Variants in NPHP3 observed in about 807,000 individuals in gnomAD.
The protein encoded by NPHP3 is nephrocystin-3.
In NPHP3, 123 loss-of-function variants were observed where a neutral mutation model predicts 171.9. That is an observed-to-expected ratio of 0.72 (90% confidence interval 0.62 to 0.83). The LOEUF (loss-of-function observed/expected upper bound fraction) is 0.83, where lower values mean the gene tolerates loss of function less well. Among genes scored for constraint, NPHP3 ranks in the 40% least tolerant of loss-of-function variants. The pLI, the probability that NPHP3 is intolerant of heterozygous loss-of-function variation, is 0.00. For synonymous variants in NPHP3, 558 were observed against 579.2 expected, an observed-to-expected ratio of 0.96 and a Z score of 0.52; for missense variants, 1,506 against 1,591.9, an observed-to-expected ratio of 0.95 and a Z score of 0.92.
At chr3:132,707,536 G>C (rs998829917) in intron 7 of NPHP3, among the ~76,000 whole-genome samples, 2 of 152,082 alleles carry the variant, frequency 1.3e-5, no homozygotes, top group African/African-American at 4.8e-5. Flanking sequence ...CTGTGCTTGG[G>C]AGAAAAGCAC....
chr3:132,684,434 A>G, intron 24 of NPHP3, 120 bp downstream of exon 24: 1 of 943,092 alleles, frequency 1.1e-6, no homozygotes, highest in Non-Finnish European at 1.7e-6. Context: ...AAGTTAAATC[A>G]TGATTTTTAA....
rs1194475374 is a variant in NPHP3, at chr3:132,719,103, C to T, written c.561G>A (p.Leu187=). The T allele has an allele frequency of 6.2e-7, 1 of 1,613,606 alleles. No homozygotes were observed. The highest frequency in any genetic ancestry group is 1.7e-5 in the Admixed American group (1 of 59,958). The change falls in exon 3 of 27, where the codon CTG becomes CTA. Residue 187 remains leucine (L), a synonymous_variant. Coordinates refer to ENST00000337331, the MANE Select transcript of NPHP3 (RefSeq NM_153240.5). ...TGCTCTCCAACTCCCTCTTGGCCCT[C>T]AGTAAGTCCTGAATTTCATTTTCTT... The part of the protein sequence containing the change: ...ETKENEIQDL[L]RAKRELESKL...
At position 132,686,360 on chromosome 3, in the gene NPHP3, C is replaced by T. The variant is rs753978185; in HGVS notation, c.3229G>A (p.Ala1077Thr). 6.2e-7 allele frequency: 1 copy of T among 1,614,056 alleles called. No homozygotes were observed. The highest frequency in any genetic ancestry group is 8.5e-7 in the Non-Finnish European group (1 of 1,179,970). The change falls in exon 23 of 27, where the codon GCT becomes ACT. Residue 1077 changes from alanine (A) to threonine (T), a missense_variant. By Grantham distance (58) the Ala-to-Thr change is moderately conservative. This residue lies in a region of NPHP3 where 569 missense variants were observed against 648.1 expected (regional missense o/e 0.88). Transcript: ENST00000337331. ...AATGTAAGCTCTTCTAACTGTAAAG[C>T]CCGTCTACGTAAAAGGGCAAATCCG... ...LYGFALLRRR[A>T]LQLEELTLGK...
chr3:132,685,338 ATTCCTGGC>A (rs1269693089), intron 23 of NPHP3: 1 of 153,998 alleles, frequency 6.5e-6, no homozygotes, highest in African/African-American at 2.4e-5. Flanking sequence ...CTGGTCTTGA[ATTCCTGGC>A]TTCAAGTGAT....
At chr3:132,709,533 T>G (rs539310399) in intron 6 of NPHP3, among the ~76,000 whole-genome samples, 1 of 152,172 alleles carries the variant, frequency 6.6e-6, no homozygotes, top group Non-Finnish European at 1.5e-5. Flanking sequence ...TCCTCTCACC[T>G]TGGCCTCCCA....
intron 9 of NPHP3, among the ~76,000 whole-genome samples, chr3:132,703,264 C>T (rs1449119824): frequency 7.2e-5 from 11 of 152,278 alleles, no homozygotes; most frequent in South Asian, 6.2e-4. Context: ...AGGACATTAA[C>T]GGACAGTCTA....
Position 132,692,630 on chromosome 3 carries a change from A to G in NPHP3, c.2475+24T>C, listed in dbSNP as rs763549842. The G allele has an allele frequency of 1.2e-5, 19 of 1,608,032 alleles. No individual in the cohort carries two copies. The South Asian group carries it at 2.0e-4, about 17-fold the overall frequency. Reference sequence around the variant, plus strand: ...ACCCTGTTTCTTAAATAAATAAATAAAAAGATGCCTAAAATAACATTACCT... The same window carrying G: ...ACCCTGTTTCTTAAATAAATAAATAGAAAGATGCCTAAAATAACATTACCT... On this transcript the variant is annotated intron_variant, in intron 17 of 26. Coordinates refer to ENST00000337331, the MANE Select transcript of NPHP3 (RefSeq NM_153240.5).
At chr3:132,688,122 G>A (rs1939207686) in intron 21 of NPHP3, among the ~76,000 whole-genome samples, 1 of 152,192 alleles carries the variant, frequency 6.6e-6, no homozygotes, top group Non-Finnish European at 1.5e-5. Context: ...GATGCCACAA[G>A]TGGAAAATTC....
At chr3:132,700,211 C>T in intron 11 of NPHP3, 123 bp downstream of exon 11, 2 of 1,232,680 alleles carry the variant, frequency 1.6e-6, no homozygotes, top group Non-Finnish European at 2.3e-6. Flanking sequence ...TTATTTTTAA[C>T]CTTATATAAA....
intron 9 of NPHP3, among the ~76,000 whole-genome samples, chr3:132,702,910 C>G (rs376653148): frequency 9.9e-5 from 15 of 152,246 alleles, no homozygotes; most frequent in African/African-American, 3.1e-4. Flanking sequence ...GGTTAAGACC[C>G]ATGGCTATAA....
intron 6 of NPHP3, among the ~76,000 whole-genome samples, chr3:132,708,769 C>T (rs1233865967): frequency 6.6e-6 from 1 of 152,200 alleles, no homozygotes; most frequent in Non-Finnish European, 1.5e-5. Flanking sequence ...GACCCGCCTC[C>T]CTTCATGGCT....
intron 5 of NPHP3, among the ~76,000 whole-genome samples, chr3:132,714,869 G>C (rs1940007368): frequency 6.6e-6 from 1 of 152,110 alleles, no homozygotes; most frequent in Non-Finnish European, 1.5e-5. Flanking sequence ...ATTCCAGAAA[G>C]TAAAAATAAA....
chr3:132,696,053 C>T (rs540985231), intron 15 of NPHP3, among the ~76,000 whole-genome samples: 2 of 151,702 alleles, frequency 1.3e-5, no homozygotes, highest in East Asian at 1.9e-4. Flanking sequence ...GTACTAGATT[C>T]GGTGTCTGGA....
At chr3:132,688,620 A>G in intron 21 of NPHP3, 30 bp downstream of exon 21, 1 of 1,610,046 alleles carries the variant, frequency 6.2e-7, no homozygotes, top group Non-Finnish European at 8.5e-7. Context: ...CCTGCATAAA[A>G]TCAGGTATTA....
At chr3:132,713,389 C>G in intron 5 of NPHP3, 103 bp from the exon 6 acceptor site, 1 of 607,278 alleles carries the variant, frequency 1.6e-6, no homozygotes, top group South Asian at 3.4e-5. Flanking sequence ...ACAGGTTATA[C>G]TGGATATCTT....
At chr3:132,704,058 T>A in intron 9 of NPHP3, 140 bp downstream of exon 9, 1 of 879,086 alleles carries the variant, frequency 1.1e-6, no homozygotes, top group Admixed American at 2.0e-5. Context: ...CCTAAGCACA[T>A]CTCAACATGG....
chr3:132,692,550 A>G, intron 17 of NPHP3, 104 bp downstream of exon 17: 1 of 949,092 alleles, frequency 1.1e-6, no homozygotes, highest in Non-Finnish European at 1.7e-6. Context: ...TTTAGAATTT[A>G]TTCCTTTGGC....
intron 4 of NPHP3, 151 bp from the exon 5 acceptor site, chr3:132,715,369 G>T: frequency 1.5e-6 from 1 of 666,060 alleles, no homozygotes. Context: ...ATATTCAAAG[G>T]CAATTAGTTT....
chr3:132,702,399 CTAAG>C (rs1314353478), intron 9 of NPHP3, among the ~76,000 whole-genome samples: 6 of 152,326 alleles, frequency 3.9e-5, no homozygotes, highest in East Asian at 1.9e-4. Flanking sequence ...CTTTTTGAAA[CTAAG>C]TGAGTTCAGT....
Sources: allele counts gnomAD v4.1 joint callset (sites outside exome capture counted in the v4.1 genomes callset), GRCh38; gene constraint gnomAD v4.1.1; regional missense constraint gnomAD v4.1.1; transcripts MANE v1.5; gene names NCBI Gene and HGNC (gene_info 2026-07-23, HGNC 2026-07-21).